Variants in RAB3GAP2 observed in about 807,000 individuals in gnomAD.
RAB3GAP2 encodes RAB3 GTPase activating non-catalytic protein subunit 2.
A neutral mutation model predicts 185.3 loss-of-function variants in RAB3GAP2; 87 were observed. The ratio of observed to expected loss-of-function variants is 0.47; its 90% CI spans 0.39 to 0.56. The LOEUF (loss-of-function observed/expected upper bound fraction) is 0.56. Among genes scored for constraint, RAB3GAP2 ranks in the 20% least tolerant of loss-of-function variants. The pLI, the probability that RAB3GAP2 is intolerant of heterozygous loss-of-function variation, is 0.00. For synonymous variants in RAB3GAP2, 554 were observed against 576.1 expected, an observed-to-expected ratio of 0.96 and a Z score of 0.55; for missense variants, 1,492 against 1,638.2, an observed-to-expected ratio of 0.91 and a Z score of 1.54.
At position 220,172,017 on chromosome 1, in the gene RAB3GAP2, C is replaced by T; in HGVS notation, c.2449G>A (p.Val817Met). 1.9e-6 allele frequency: 3 copies of T among 1,614,190 alleles called. No individual in the cohort carries two copies. Among genetic ancestry groups the T allele is most frequent in the Non-Finnish European group, 2.5e-6 (3 of 1,180,032 alleles). ...CGCATCTGCTGCCACCATGGGGACA[C>T]AGACTGAGAATCCCAGGTCTCATCG... ...AIDETWDSQS[V>M]SPWWQQMRTA... is the part of the protein sequence containing the mutation. The change falls in exon 23 of 35, where the codon GTG (valine) becomes ATG (methionine). Residue 817 changes from valine to methionine, a missense_variant. Val to Met is a conservative substitution (Grantham distance 21). Around this residue, in one of 5 missense-constraint regions of RAB3GAP2, gnomAD observed 681 missense variants for 689.1 expected, o/e 0.99. Transcript: ENST00000358951.
At chr1:220,175,580 C>T (rs77539287) in intron 21 of RAB3GAP2, among the ~76,000 whole-genome samples, 2,969 of 152,296 alleles carry the variant, frequency 0.019, 41 homozygotes, top group Non-Finnish European at 0.03. Context: ...TTCATTTCCC[C>T]ATCAACAACA....
chr1:220,232,738 C>T, intron 2 of RAB3GAP2, 61 bp downstream of exon 2: 1 of 1,381,356 alleles, frequency 7.2e-7, no homozygotes, highest in Admixed American at 1.7e-5. Context: ...AAATATGTCA[C>T]CATCATTACA....
intron 27 of RAB3GAP2, among the ~76,000 whole-genome samples, 199 bp downstream of exon 27, chr1:220,164,534 G>A (rs758974778): frequency 6.9e-6 from 1 of 144,772 alleles, no homozygotes; most frequent in Admixed American, 7.0e-5. Context: ...GGATGCAGTG[G>A]TGTGATCATA....
At chr1:220,228,127 C>G (rs961541398) in intron 2 of RAB3GAP2, among the ~76,000 whole-genome samples, 2 of 152,270 alleles carry the variant, frequency 1.3e-5, no homozygotes, top group African/African-American at 4.8e-5. Context: ...TTCTTCCAAA[C>G]CTGGTTCCTT....
chr1:220,245,197 A>G lies in RAB3GAP2; in HGVS notation c.116-12334T>C, dbSNP rs954995346. On this transcript the variant is annotated intron_variant, in intron 1 of 34. Coordinates refer to ENST00000358951, the MANE Select transcript of RAB3GAP2 (RefSeq NM_012414.4). Reference sequence around the variant, plus strand: ...GGCCGAATAGGAACAGCTCCGGTCTACAGCTCCCAGCATGAGTGACACAGA... The same window carrying G: ...GGCCGAATAGGAACAGCTCCGGTCTGCAGCTCCCAGCATGAGTGACACAGA... Among the ~76,000 whole-genome samples, 7 of 152,152 alleles carry G rather than the reference A, an allele frequency of 4.6e-5. 1 individual carries two copies. The highest frequency in any genetic ancestry group is 8.8e-5 in the Non-Finnish European group (6 of 68,034).
chr1:220,266,170 A>C (rs75136283), intron 1 of RAB3GAP2: 3 of 169,900 alleles, frequency 1.8e-5, no homozygotes, highest in Admixed American at 1.7e-4. Flanking sequence ...TGGTATCACT[A>C]TATCTCTAGC....
At chr1:220,269,745 C>T (rs1314420840) in intron 1 of RAB3GAP2, among the ~76,000 whole-genome samples, 1 of 152,060 alleles carries the variant, frequency 6.6e-6, no homozygotes, top group African/African-American at 2.4e-5. Context: ...ATGTTGTGAT[C>T]TAAATTATGC....
chr1:220,193,613 ATACCTT>A (rs1658666860), intron 12 of RAB3GAP2, among the ~76,000 whole-genome samples: 1 of 152,232 alleles, frequency 6.6e-6, no homozygotes, highest in African/African-American at 2.4e-5. Context: ...CCACAACCCT[ATACCTT>A]TAGAGAATAT....
chr1:220,217,120 C>T lies in RAB3GAP2; in HGVS notation c.181-3141G>A, dbSNP rs182105204. Among the ~76,000 whole-genome samples the T allele has an allele frequency of 2.1e-4, 32 of 152,108 alleles. 1 individual carries two copies. Among genetic ancestry groups the T allele is most frequent in the Admixed American group, 2.1e-3 (32 of 15,276 alleles). On this transcript the variant is annotated intron_variant, in intron 2 of 34. Transcript: ENST00000358951. ...CATAGAATTAGTGTCAGAGCCCAAA[C>T]TAAAATCTAGGCTTCCTAATTCCTA...
intron 1 of RAB3GAP2, among the ~76,000 whole-genome samples, chr1:220,233,252 AC>A (rs1362611894): frequency 6.6e-6 from 1 of 152,150 alleles, no homozygotes; most frequent in East Asian, 1.9e-4. Context: ...TAAAAAAAAC[AC>A]CTAAAATTTC....
intron 29 of RAB3GAP2, 72 bp downstream of exon 29, chr1:220,159,314 T>C (rs1657918720): frequency 1.6e-6 from 2 of 1,261,494 alleles, no homozygotes; most frequent in South Asian, 1.2e-5. Flanking sequence ...AGTTCACCTA[T>C]ACAGTTAATA....
At chr1:220,211,099 G>T in intron 4 of RAB3GAP2, 97 bp from the exon 5 acceptor site, 1 of 1,196,456 alleles carries the variant, frequency 8.4e-7, no homozygotes, top group Non-Finnish European at 1.2e-6. Flanking sequence ...ACTGGAAGAT[G>T]ACTTCTGTGA....
intron 16 of RAB3GAP2, 25 bp from the exon 17 acceptor site, chr1:220,189,792 T>C (rs1354547475): frequency 7.0e-7 from 1 of 1,424,036 alleles, no homozygotes; most frequent in African/African-American, 1.4e-5. Flanking sequence ...ATAATCAAAG[T>C]AAAATTTTAA....
intron 32 of RAB3GAP2, 157 bp from the exon 33 acceptor site, chr1:220,153,563 T>C (rs1657801877): frequency 5.3e-6 from 3 of 563,416 alleles, no homozygotes; most frequent in Non-Finnish European, 9.3e-6. Flanking sequence ...CAACTAGCTC[T>C]CAAGAATACT....
chr1:220,188,959 A>G (rs1412924256), intron 17 of RAB3GAP2, among the ~76,000 whole-genome samples: 1 of 152,210 alleles, frequency 6.6e-6, no homozygotes, highest in Non-Finnish European at 1.5e-5. Flanking sequence ...CTGCATTTAT[A>G]TAAAGTTTGA....
At chr1:220,231,838 G>A (rs560554857) in intron 2 of RAB3GAP2, among the ~76,000 whole-genome samples, 8 of 152,210 alleles carry the variant, frequency 5.3e-5, no homozygotes, top group Non-Finnish European at 8.8e-5. Context: ...CACTACATCT[G>A]TGAATGAAAC....
intron 4 of RAB3GAP2, 28 bp downstream of exon 4, chr1:220,212,859 A>C: frequency 6.4e-7 from 1 of 1,561,376 alleles, no homozygotes; most frequent in Non-Finnish European, 8.8e-7. Context: ...TGTAACACAC[A>C]GAGAAACAAA....
rs74834435 is a variant in RAB3GAP2 at position 220,229,517 on chromosome 1, T to C, written c.180+3282A>G. Among the ~76,000 whole-genome samples the C allele has an allele frequency of 3.9e-3, 587 of 152,306 alleles. 7 individuals are homozygous for C. Among genetic ancestry groups the C allele is most frequent in the African/African-American group, 0.014 (575 of 41,572 alleles). The stretch of plus-strand genomic sequence containing the variant: ...CACCCTTAGGAAGGCACATTTTAGA[T>C]GAGCCAAAAAGCAAGTCTGTGGCAC... On this transcript the variant is annotated intron_variant, in intron 2 of 34. Coordinates refer to ENST00000358951, the MANE Select transcript of RAB3GAP2 (RefSeq NM_012414.4).
At chr1:220,208,923 C>T (rs1029007450) in intron 7 of RAB3GAP2, among the ~76,000 whole-genome samples, 3 of 152,088 alleles carry the variant, frequency 2.0e-5, no homozygotes, top group Non-Finnish European at 4.4e-5. Context: ...CACCGTGTTA[C>T]CCAGGCTGGT....
Sources: allele counts gnomAD v4.1 joint callset (sites outside exome capture counted in the v4.1 genomes callset), GRCh38; gene constraint gnomAD v4.1.1; regional missense constraint gnomAD v4.1.1; transcripts MANE v1.5; gene names NCBI Gene and HGNC (gene_info 2026-07-23, HGNC 2026-07-21).